The following TTC21B variants were observed in gnomAD, a reference collection of about 807,000 sequenced individuals.
TTC21B encodes the protein tetratricopeptide repeat protein 21B.
Under a neutral mutation model 175.1 loss-of-function variants are expected in TTC21B, and 127 were observed. The observed-to-expected ratio is 0.73, with a 90% confidence interval of 0.63 to 0.84. The LOEUF is 0.84. Ranked by LOEUF, TTC21B falls within the 40% of genes least tolerant of loss-of-function variation. The pLI, the probability that TTC21B is intolerant of heterozygous loss-of-function variation, is 0.00. For missense variants in TTC21B, 1,561 were observed against 1,558.3 expected (o/e 1.00, Z -0.03); for synonymous variants, 524 against 524.5 (o/e 1.00, Z 0.01).
At position 165,912,534 on chromosome 2, in the gene TTC21B, T is replaced by C; in HGVS notation, c.2302A>G (p.Lys768Glu). Residue 768 changes from lysine to glutamate, a missense_variant, in exon 17 of 29, where the codon AAA becomes GAA. Transcript: ENST00000243344. ...CTTACCATTGAGTAGTTATGAGTTT[T>C]GATAAGTGCTTTGCCCATTTTGCTT... ...LASKMGKALIKTHNYSMAITY... is the reference protein window; with the variant it reads ...LASKMGKALIETHNYSMAITY... The C allele has an allele frequency of 6.2e-7, 1 of 1,614,022 alleles. No individual in the cohort carries two copies. Among genetic ancestry groups the C allele is most frequent in the Non-Finnish European group, 8.5e-7 (1 of 1,179,870 alleles).
chr2:165,929,552 T>A, intron 10 of TTC21B, 98 bp downstream of exon 10: 1 of 940,622 alleles, frequency 1.1e-6, no homozygotes, highest in Non-Finnish European at 1.7e-6. Context: ...TAGTGTACAC[T>A]AGTGCTTTAC....
chr2:165,901,680 A>G, intron 20 of TTC21B, 42 bp downstream of exon 20: 1 of 1,564,110 alleles, frequency 6.4e-7, no homozygotes, highest in Non-Finnish European at 8.8e-7. Flanking sequence ...ATTAGAAGAC[A>G]TCTGGAATAA....
At chr2:165,919,091 A>G (rs1011648477) in intron 13 of TTC21B, among the ~76,000 whole-genome samples, 185 bp downstream of exon 13, 1 of 152,162 alleles carries the variant, frequency 6.6e-6, no homozygotes, top group African/African-American at 2.4e-5. Flanking sequence ...CACCAAGTCC[A>G]CATAGTTTTT....
At chr2:165,886,863 T>TGTA (rs1351975562) in intron 25 of TTC21B, among the ~76,000 whole-genome samples, 1 of 152,212 alleles carries the variant, frequency 6.6e-6, no homozygotes, top group Non-Finnish European at 1.5e-5. Context: ...TTCTCTTAGA[T>TGTA]GTACATGATT....
intron 8 of TTC21B, 97 bp from the exon 9 acceptor site, chr2:165,930,461 C>A: frequency 1.1e-6 from 1 of 928,296 alleles, no homozygotes; most frequent in Non-Finnish European, 1.5e-6. Flanking sequence ...ATTTGTACTT[C>A]AAAGGAGTGA....
intron 1 of TTC21B, among the ~76,000 whole-genome samples, chr2:165,951,805 A>G (rs1470206054): frequency 2.0e-5 from 3 of 152,234 alleles, no homozygotes; most frequent in Non-Finnish European, 4.4e-5. Context: ...TAACTGAAAT[A>G]TAATGTAGTA....
rs1451336913 is a variant in TTC21B at position 165,890,709 on chromosome 2, T to C, written c.3102-69A>G. On this transcript the variant is annotated intron_variant, in intron 23 of 28. Transcript: ENST00000243344. ...ACAAAATTTATATTAGTTTATAATC[T>C]GTCTGGTAAATAAAACTGTTGAATT... 1.6e-5 allele frequency: 25 copies of C among 1,561,120 alleles called. 1 individual carries two copies. In the South Asian group the frequency reaches 2.7e-4, roughly 17 times the overall value.
At position 165,923,474 on chromosome 2, in the gene TTC21B, T is replaced by C. The variant is rs747474312; in HGVS notation, c.1516+1075A>G. 6.9e-5 allele frequency among the ~76,000 whole-genome samples: 10 copies of C among 144,694 alleles called. 1 individual carries two copies. In the Middle Eastern group the frequency reaches 0.025, roughly 367 times the overall value. 94.9% of individuals were successfully genotyped at this position (144,694 alleles called of 152,430 possible). A position where few individuals can be genotyped will look rare whatever the true frequency, so the allele number is the denominator to read the frequency against. ...TTTTTTTTTTTTTTCCAAGACAGAG[T>C]CTCACTCTGTCACCCAGGCTGGAGT... On this transcript the variant is annotated intron_variant, in intron 12 of 28. Transcript: ENST00000243344.
intron 1 of TTC21B, among the ~76,000 whole-genome samples, chr2:165,950,404 T>C (rs1194589652): frequency 6.6e-6 from 1 of 152,212 alleles, no homozygotes; most frequent in Non-Finnish European, 1.5e-5. Context: ...CTACCATTTT[T>C]CCTACGATTA....
intron 27 of TTC21B, among the ~76,000 whole-genome samples, chr2:165,877,086 T>C (rs1462734776): frequency 6.6e-6 from 1 of 152,246 alleles, no homozygotes; most frequent in Middle Eastern, 3.4e-3. Flanking sequence ...TAACATGCTA[T>C]AAAAATGAGA....
chr2:165,907,463 T>A (rs1263322443), intron 19 of TTC21B, among the ~76,000 whole-genome samples: 19 of 152,192 alleles, frequency 1.2e-4, no homozygotes. Flanking sequence ...AGCTATAAAA[T>A]GGGATTAAAA....
chr2:165,934,664 CA>C (rs1199644670), intron 6 of TTC21B: 1 of 145,528 alleles, frequency 6.9e-6, no homozygotes, highest in Non-Finnish European at 1.5e-5. Context: ...GAGCTTTTAG[CA>C]TATGAAAAAT....
At chr2:165,902,009 A>T (rs1253799357) in intron 19 of TTC21B, 99 bp from the exon 20 acceptor site, 2 of 1,060,408 alleles carry the variant, frequency 1.9e-6, no homozygotes, top group East Asian at 2.6e-5. Flanking sequence ...TTTAAACATT[A>T]TGAACCCTTG....
intron 5 of TTC21B, among the ~76,000 whole-genome samples, chr2:165,942,425 G>A (rs1038283129): frequency 2.9e-4 from 44 of 152,242 alleles, no homozygotes; most frequent in African/African-American, 1.0e-3. Flanking sequence ...CCCTCAAAAT[G>A]TATGTCCGAT....
rs1299748988 is a variant in TTC21B, at chr2:165,943,325, G to A, written c.446C>T (p.Ala149Val). The part of the protein sequence containing the change: ...DGSKQGHVLK[A>V]WLDITRGKEP... ...TTTTCCTCTTGTAATATCAAGCCATGCTTTCAAAACGTGTCCCTGTAAAAT... is the reference window on the plus strand; with the variant it reads ...TTTTCCTCTTGTAATATCAAGCCATACTTTCAAAACGTGTCCCTGTAAAAT... Residue 149 changes from alanine to valine, a missense_variant, in exon 5 of 29, where the codon GCA becomes GTA. Physicochemically the swap from Ala to Val is moderately conservative, Grantham distance 64 (BLOSUM62 0). Coordinates refer to ENST00000243344, the MANE Select transcript of TTC21B (RefSeq NM_024753.5). 1.9e-6 allele frequency: 3 copies of A among 1,608,486 alleles called. No individual in the cohort carries two copies. In the African/African-American group the frequency reaches 4.0e-5, roughly 22 times the overall value.
At chr2:165,928,457 T>C (rs1478599415) in intron 11 of TTC21B, among the ~76,000 whole-genome samples, 1 of 152,054 alleles carries the variant, frequency 6.6e-6, no homozygotes, top group Non-Finnish European at 1.5e-5. Flanking sequence ...AAATCCACGT[T>C]TGGAATAGTA....
chr2:165,941,200 A>C lies in TTC21B; in HGVS notation c.553-16T>G. The C allele has an allele frequency of 6.2e-7, 1 of 1,613,698 alleles. No homozygotes were observed. Among genetic ancestry groups the C allele is most frequent in the Non-Finnish European group, 8.5e-7 (1 of 1,179,668 alleles). ...GGCATTGTGCCTAATGGAAGGGAAAAAAAGTGATATCCAAACTGTGATCTT... is the reference window on the plus strand; with the variant it reads ...GGCATTGTGCCTAATGGAAGGGAAACAAAGTGATATCCAAACTGTGATCTT... On this transcript the variant is annotated splice_polypyrimidine_tract_variant and intron_variant, in intron 5 of 28. Coordinates refer to ENST00000243344, the MANE Select transcript of TTC21B (RefSeq NM_024753.5).
At chr2:165,883,458 T>C (rs1212097639) in intron 26 of TTC21B, among the ~76,000 whole-genome samples, 2 of 152,176 alleles carry the variant, frequency 1.3e-5, no homozygotes, top group Non-Finnish European at 2.9e-5. Context: ...GGGACAGACG[T>C]CCGCAATTAA....
chr2:165,953,501 G>T lies in TTC21B; in HGVS notation c.21+184C>A, dbSNP rs906231236. Among the ~76,000 whole-genome samples, 6 of 152,206 alleles carry T rather than the reference G, an allele frequency of 3.9e-5. No individual in the cohort carries two copies. The South Asian group carries it at 1.2e-3, about 31-fold the overall frequency. ...CCCAGACCTGGGCTTCCCCAGCAGGGCCCGCGGAGACCGGCCGTGAGCAGA... is the reference window on the plus strand; with the variant it reads ...CCCAGACCTGGGCTTCCCCAGCAGGTCCCGCGGAGACCGGCCGTGAGCAGA... On this transcript the variant is annotated intron_variant, in intron 1 of 28. Coordinates refer to ENST00000243344, the MANE Select transcript of TTC21B (RefSeq NM_024753.5).
Sources: allele counts gnomAD v4.1 joint callset (sites outside exome capture counted in the v4.1 genomes callset), GRCh38; gene constraint gnomAD v4.1.1; transcripts MANE v1.5; gene names NCBI Gene and HGNC (gene_info 2026-07-23, HGNC 2026-07-21).